The following ZNF605 variants were observed in gnomAD, a reference collection of about 807,000 sequenced individuals.
ZNF605 encodes the protein zinc finger protein 605.
Under a neutral mutation model 7.9 loss-of-function variants are expected in ZNF605, and 9 were observed. The observed-to-expected ratio is 1.14, with a 90% CI of 0.68 to 1.98. The LOEUF is 1.98. ZNF605 is among the 30% of genes most tolerant of loss of function. The probability of loss-of-function intolerance (pLI) is 0.00; values close to 1 mark genes in which losing one functional copy is unlikely to be tolerated. For synonymous variants in ZNF605, 255 were observed against 260.1 expected (o/e 0.98, Z 0.19); for missense variants, 673 against 762.4 (o/e 0.88, Z 1.38).
chr12:132,951,676 A>T (rs1468900845), intron 1 of ZNF605, among the ~76,000 whole-genome samples: 1 of 119,964 alleles, frequency 8.3e-6, no homozygotes, highest in Non-Finnish European at 1.6e-5. Context: ...ACATACACAG[A>T]CATGCACAAA....
chr12:132,938,758 G>C (rs1212388612), intron 3 of ZNF605, among the ~76,000 whole-genome samples: 1 of 152,168 alleles, frequency 6.6e-6, no homozygotes, highest in Non-Finnish European at 1.5e-5. Flanking sequence ...TGGAGGGAGA[G>C]GCACGAGCGG....
chr12:132,943,686 T>G (rs996179185), intron 3 of ZNF605, among the ~76,000 whole-genome samples: 14 of 146,104 alleles, frequency 9.6e-5, no homozygotes, highest in African/African-American at 3.5e-4. Context: ...TCCCAGCCCC[T>G]CCCTCCCTAC....
In ZNF605 at chr12:132,926,941, TTTTC is replaced by T; in HGVS notation, c.354_357del (p.Lys119LeufsTer21). 2 of 1,610,728 alleles carry T rather than the reference TTTTC, an allele frequency of 1.2e-6. No individual in the cohort carries two copies. The highest frequency in any genetic ancestry group is 8.5e-7 in the Non-Finnish European group (1 of 1,178,712). On this transcript the variant is annotated frameshift_variant, in exon 5 of 5. Transcript: ENST00000360187. LOFTEE classifies it low-confidence loss of function (END_TRUNC). ...AATAATTTCTTATTGAGTTCATCAA[TTTTC>T]TTTCTTTCACAATTATTTTTTGGAA...
intron 4 of ZNF605, among the ~76,000 whole-genome samples, chr12:132,929,741 T>A (rs979600738): frequency 3.9e-5 from 6 of 152,176 alleles, no homozygotes; most frequent in Non-Finnish European, 8.8e-5. Flanking sequence ...GGTCAAGGGA[T>A]CGAGACCAGC....
intron 4 of ZNF605, among the ~76,000 whole-genome samples, chr12:132,927,689 A>G (rs7957912): frequency 0.28 from 39,516 of 139,324 alleles, 5,835 homozygotes; most frequent in East Asian, 0.7. Context: ...AGGGAGTCTC[A>G]CTCTGTCACC....
chr12:132,933,348 G>A lies in ZNF605; in HGVS notation c.16-193C>T, dbSNP rs1952325150. Among the ~76,000 whole-genome samples, 1 of 152,224 alleles carries A rather than the reference G, an allele frequency of 6.6e-6. No homozygotes were observed. The highest frequency in any genetic ancestry group is 6.5e-5 in the Admixed American group (1 of 15,284). ...CTGACTCATTGTCCTGAACAGAACA[G>A]GGAAACATGATGAGATGCCACTTCC... On this transcript the variant is annotated intron_variant, in intron 3 of 4. Coordinates refer to ENST00000360187, the MANE Select transcript of ZNF605 (RefSeq NM_183238.4). This position sits in a 1 kb window ranked among gnomAD's most constrained non-coding sequence, Gnocchi z 4.4.
At chr12:132,944,174 T>G (rs1952474836) in intron 3 of ZNF605, among the ~76,000 whole-genome samples, 1 of 152,110 alleles carries the variant, frequency 6.6e-6, no homozygotes, top group South Asian at 2.1e-4. Flanking sequence ...CCTCCTGCTT[T>G]CCGGAATGCC....
chr12:132,935,234 G>A (rs1952352594), intron 3 of ZNF605, among the ~76,000 whole-genome samples: 1 of 152,200 alleles, frequency 6.6e-6, no homozygotes, highest in African/African-American at 2.4e-5. Context: ...GGGACTAATA[G>A]GTTATTTTCC....
intron 3 of ZNF605, among the ~76,000 whole-genome samples, chr12:132,939,608 C>T (rs372486065): frequency 0.013 from 2,040 of 152,244 alleles, 49 homozygotes; most frequent in African/African-American, 0.046. Context: ...CACCAATCAG[C>T]GCCCTGACAA....
chr12:132,929,348 A>G (rs11147169), intron 4 of ZNF605, among the ~76,000 whole-genome samples: 15,414 of 152,090 alleles, frequency 0.1, 1,434 homozygotes, highest in East Asian at 0.52. Context: ...TGAGCCCACT[A>G]CACGTCAGCC....
At chr12:132,930,691 A>G (rs936467228) in intron 4 of ZNF605, among the ~76,000 whole-genome samples, 6 of 152,242 alleles carry the variant, frequency 3.9e-5, no homozygotes, top group Non-Finnish European at 8.8e-5. Flanking sequence ...TTAAAATCCT[A>G]TAAAGTTATT....
In ZNF605 at chr12:132,926,017, T is replaced by C; in HGVS notation, c.1282A>G (p.Lys428Glu). The change falls in exon 5 of 5, where the codon AAA (lysine) becomes GAA (glutamate). Residue 428 changes from lysine (K) to glutamate (E), a missense_variant. By Grantham distance (56) the Lys-to-Glu change is moderately conservative (BLOSUM62 1). Coordinates refer to ENST00000360187, the MANE Select transcript of ZNF605 (RefSeq NM_183238.4). ...AGCTGGGACTTCCCAAAGAAGGTTT[T>C]CCCACATTGAATGCATCCATATGGT... ...EKPYGCIQCG[K>E]TFFGKSQLLT... 6.8e-6 allele frequency: 11 copies of C among 1,614,240 alleles called. No individual in the cohort carries two copies. Among genetic ancestry groups the C allele is most frequent in the Non-Finnish European group, 9.3e-6 (11 of 1,180,042 alleles).
rs1030242576 is a variant in ZNF605 at position 132,920,823 on chromosome 12, A to G, written c.*4550T>C. On this transcript the variant is annotated 3_prime_UTR_variant, in exon 5 of 5. Transcript: ENST00000360187. ...GTAGCTGGGATTACAGACATGCACCATCATGGCTAACTTTTTTTTTGAGAT... is the reference window on the plus strand; with the variant it reads ...GTAGCTGGGATTACAGACATGCACCGTCATGGCTAACTTTTTTTTTGAGAT... The G allele has an allele frequency of 6.6e-6, 1 of 152,066 alleles. No individual in the cohort carries two copies. The highest frequency in any genetic ancestry group is 1.5e-5 in the Non-Finnish European group (1 of 68,042). The allele number at this position is 152,066 out of a possible 1,614,324, so 9.4% of individuals were successfully genotyped here.
Position 132,919,166 on chromosome 12 carries a change from C to CT in ZNF605, c.*6206dup, listed in dbSNP as rs1474560799. On this transcript the variant is annotated 3_prime_UTR_variant, in exon 5 of 5. Transcript: ENST00000360187. ...AAAGTTAATTCACTTCTCCCACCCC[C>CT]TATTGTAAGTTTAAGCTTGATTTGT... 6.6e-6 allele frequency: 1 copy of CT among 152,162 alleles called. No homozygotes were observed. The highest frequency in any genetic ancestry group is 2.4e-5 in the African/African-American group (1 of 41,430). 9.4% of individuals were successfully genotyped at this position (152,162 alleles called of 1,614,324 possible).
In ZNF605 at chr12:132,941,016, G is replaced by T. The variant is rs539039779; in HGVS notation, c.15+4605C>A. 4.5e-4 allele frequency among the ~76,000 whole-genome samples: 68 copies of T among 152,102 alleles called. 1 individual carries two copies. Among genetic ancestry groups the T allele is most frequent in the African/African-American group, 1.6e-3 (68 of 41,476 alleles). ...CATTTGGTTTTCTGTTCCTGAGGATGAGACATTTAGATAAAAATCAGTTCT... is the reference window on the plus strand; with the variant it reads ...CATTTGGTTTTCTGTTCCTGAGGATTAGACATTTAGATAAAAATCAGTTCT... On this transcript the variant is annotated intron_variant, in intron 3 of 4. Coordinates refer to ENST00000360187, the MANE Select transcript of ZNF605 (RefSeq NM_183238.4). This position sits in a 1 kb window ranked among gnomAD's most constrained non-coding sequence, Gnocchi z 5.1.
intron 2 of ZNF605, among the ~76,000 whole-genome samples, chr12:132,946,535 C>A (rs1489653985): frequency 6.6e-6 from 1 of 152,194 alleles, no homozygotes; most frequent in Non-Finnish European, 1.5e-5. Flanking sequence ...CCTGCACTTT[C>A]CTTCAGAAAT....
At chr12:132,949,903 G>A (rs1048025324) in intron 1 of ZNF605, among the ~76,000 whole-genome samples, 2 of 152,186 alleles carry the variant, frequency 1.3e-5, no homozygotes, top group African/African-American at 4.8e-5. Context: ...GGCTCTAAGA[G>A]GACTCTTTCT....
Position 132,925,447 on chromosome 12 carries a change from C to T in ZNF605, c.1852G>A (p.Gly618Arg). The T allele has an allele frequency of 6.2e-7, 1 of 1,614,042 alleles. No individual in the cohort carries two copies. Among genetic ancestry groups the T allele is most frequent in the Non-Finnish European group, 8.5e-7 (1 of 1,179,970 alleles). ...QRIHTGDKYY[G>R]CNECGTTFNR... Reference sequence around the variant, plus strand: ...AAGGTGGTCCCACACTCATTGCATCCATAGTATTTATCTCCTGTATGAATC... The same window carrying T: ...AAGGTGGTCCCACACTCATTGCATCTATAGTATTTATCTCCTGTATGAATC... Residue 618 changes from glycine to arginine, a missense_variant, in exon 5 of 5, where the codon GGA becomes AGA. Transcript: ENST00000360187.
chr12:132,936,941 A>G (rs1317983680), intron 3 of ZNF605, among the ~76,000 whole-genome samples: 1 of 152,242 alleles, frequency 6.6e-6, no homozygotes, highest in Non-Finnish European at 1.5e-5. Flanking sequence ...ACAGACTAAG[A>G]GAAAATTATT....
Sources: allele counts gnomAD v4.1 joint callset (sites outside exome capture counted in the v4.1 genomes callset), GRCh38; gene constraint gnomAD v4.1.1; non-coding constraint Gnocchi (gnomAD v3.1); transcripts MANE v1.5; gene names NCBI Gene and HGNC (gene_info 2026-07-23, HGNC 2026-07-21).